The following ARHGAP31 variants were observed in gnomAD, a reference collection of about 807,000 sequenced individuals.
ARHGAP31 encodes the protein Rho GTPase activating protein 31, also known as rho GTPase-activating protein 31.
A neutral mutation model predicts 113.9 loss-of-function variants in ARHGAP31; 34 were observed. That is an observed-to-expected ratio of 0.30 (90% CI 0.23 to 0.40). The LOEUF is 0.40. Ranked by LOEUF, ARHGAP31 falls within the 10% of genes least tolerant of loss-of-function variation. ARHGAP31 has a pLI of 1.00. For missense variants in ARHGAP31, 1,548 were observed against 1,767.1 expected, an observed-to-expected ratio of 0.88 and a Z score of 2.22; for synonymous variants, 650 against 684.8, an observed-to-expected ratio of 0.95 and a Z score of 0.79.
chr3:119,344,556 A>G (rs2080037634), intron 1 of ARHGAP31, among the ~76,000 whole-genome samples: 2 of 152,206 alleles, frequency 1.3e-5, no homozygotes, highest in South Asian at 4.1e-4. Flanking sequence ...TAAAATAACA[A>G]TAGCAATTGT....
chr3:119,409,860 A>G, intron 11 of ARHGAP31, 84 bp downstream of exon 11: 1 of 1,422,066 alleles, frequency 7.0e-7, no homozygotes, highest in Non-Finnish European at 9.4e-7. Context: ...TAAATTGAAA[A>G]AAAATTTTTT....
At position 119,377,826 on chromosome 3, in the gene ARHGAP31, A is replaced by G. The variant is rs2080362121; in HGVS notation, c.349-3078A>G. Among the ~76,000 whole-genome samples the G allele has an allele frequency of 2.0e-5, 3 of 152,088 alleles. No individual in the cohort carries two copies. The South Asian group carries it at 6.2e-4, about 31-fold the overall frequency. On this transcript the variant is annotated intron_variant, in intron 3 of 11. Coordinates refer to ENST00000264245, the MANE Select transcript of ARHGAP31 (RefSeq NM_020754.4). ...TAAATAGCTTAAAATACCTTAAAATAATAAAAATGGTTTGATAATTTTAAA... is the reference window on the plus strand; with the variant it reads ...TAAATAGCTTAAAATACCTTAAAATGATAAAAATGGTTTGATAATTTTAAA...
chr3:119,368,478 A>G lies in ARHGAP31; in HGVS notation c.310A>G (p.Asn104Asp), dbSNP rs1224006347. ...LCKLYFRELP[N>D]PLLTYELYEK... The stretch of plus-strand genomic sequence containing the variant: ...CAAGCTCTACTTTAGGGAGCTGCCC[A>G]ACCCCCTCCTGACTTATGAGCTCTA... Residue 104 changes from asparagine to aspartate, a missense_variant, in exon 3 of 12, where the codon AAC (asparagine) becomes GAC (aspartate). Asn to Asp is a conservative substitution (Grantham distance 23). Transcript: ENST00000264245. 1 of 1,614,110 alleles carries G rather than the reference A, an allele frequency of 6.2e-7. No homozygotes were observed. Among genetic ancestry groups the G allele is most frequent in the Admixed American group, 1.7e-5 (1 of 60,020 alleles).
chr3:119,315,278 C>G (rs2079719637), intron 1 of ARHGAP31, among the ~76,000 whole-genome samples: 1 of 152,114 alleles, frequency 6.6e-6, no homozygotes, highest in Non-Finnish European at 1.5e-5. Context: ...TGCATATTCC[C>G]TAAATTATTC....
rs1352487163 is a variant in ARHGAP31, at chr3:119,420,335, A to G, written c.*4071A>G. ...AGGTCAGCTCAAAATGTGGCATGACAAAGAATATGTGCTCTACTACCAAAA... is the reference window on the plus strand; with the variant it reads ...AGGTCAGCTCAAAATGTGGCATGACGAAGAATATGTGCTCTACTACCAAAA... On this transcript the variant is annotated 3_prime_UTR_variant, in exon 12 of 12. Transcript: ENST00000264245. 1 of 152,228 alleles carries G rather than the reference A, an allele frequency of 6.6e-6. No individual in the cohort carries two copies. Among genetic ancestry groups the G allele is most frequent in the Non-Finnish European group, 1.5e-5 (1 of 68,052 alleles). 9.4% of individuals were successfully genotyped at this position (152,228 alleles called of 1,614,324 possible).
chr3:119,386,939 C>G (rs2080455304), intron 6 of ARHGAP31, among the ~76,000 whole-genome samples: 1 of 152,164 alleles, frequency 6.6e-6, no homozygotes, highest in Non-Finnish European at 1.5e-5. Flanking sequence ...AAGGCAGAGC[C>G]AGGTGTACAG....
rs73187855 is a variant in ARHGAP31, at chr3:119,326,365, A to T, written c.100+31361A>T. On this transcript the variant is annotated intron_variant, in intron 1 of 11. Coordinates refer to ENST00000264245, the MANE Select transcript of ARHGAP31 (RefSeq NM_020754.4). ...CAGTCAGCTGAGAATGTGTCGTGCT[A>T]CTGTACAGATCCAGAAAAAGGAAAC... 5.3e-3 allele frequency among the ~76,000 whole-genome samples: 804 copies of T among 152,056 alleles called. 11 individuals are homozygous for T. Among genetic ancestry groups the T allele is most frequent in the Non-Finnish European group, 9.6e-3 (654 of 67,958 alleles).
intron 11 of ARHGAP31, 134 bp from the exon 12 acceptor site, chr3:119,413,722 T>C: frequency 8.4e-7 from 1 of 1,194,802 alleles, no homozygotes; most frequent in South Asian, 1.3e-5. Context: ...CCACAGGTAT[T>C]ATCGGTGCTG....
At chr3:119,302,154 C>G (rs538389067) in intron 1 of ARHGAP31, among the ~76,000 whole-genome samples, 55 of 152,364 alleles carry the variant, frequency 3.6e-4, no homozygotes, top group African/African-American at 1.3e-3. Context: ...AGAAATGACA[C>G]TCTTGAGTTG....
chr3:119,381,929 T>C (rs1399753448), intron 4 of ARHGAP31, among the ~76,000 whole-genome samples: 1 of 139,520 alleles, frequency 7.2e-6, no homozygotes, highest in Non-Finnish European at 1.5e-5. Context: ...GAGCTTGCAG[T>C]GAGCTGAGAT....
At chr3:119,371,778 G>T (rs958696647) in intron 3 of ARHGAP31, among the ~76,000 whole-genome samples, 1 of 152,138 alleles carries the variant, frequency 6.6e-6, no homozygotes, top group Non-Finnish European at 1.5e-5. Flanking sequence ...CAATCAAGTA[G>T]TCCCCAGTGT....
intron 1 of ARHGAP31, among the ~76,000 whole-genome samples, chr3:119,321,282 T>C (rs1415620828): frequency 1.8e-5 from 1 of 55,210 alleles, no homozygotes; most frequent in Admixed American, 1.4e-4. Flanking sequence ...ATATATACTA[T>C]ATATATATAT....
intron 3 of ARHGAP31, among the ~76,000 whole-genome samples, chr3:119,380,049 T>G (rs763278217): frequency 6.6e-6 from 1 of 152,224 alleles, no homozygotes; most frequent in South Asian, 2.1e-4. Context: ...TGGACCAGCC[T>G]GTAATCACAC....
intron 1 of ARHGAP31, chr3:119,324,849 G>A (rs1159779231): frequency 2.2e-6 from 1 of 447,468 alleles, no homozygotes; most frequent in Non-Finnish European, 4.5e-6. Context: ...GTAAAACAGA[G>A]AACCAATTTT....
At position 119,416,405 on chromosome 3, in the gene ARHGAP31, C is replaced by A; in HGVS notation, c.*141C>A. 1 of 1,213,982 alleles carries A rather than the reference C, an allele frequency of 8.2e-7. No homozygotes were observed. Among genetic ancestry groups the A allele is most frequent in the Non-Finnish European group, 1.2e-6 (1 of 851,538 alleles). 75.2% of individuals were successfully genotyped at this position (1,213,982 alleles called of 1,614,324 possible). A position where few individuals can be genotyped will look rare whatever the true frequency, so the allele number is the denominator to read the frequency against. The stretch of plus-strand genomic sequence containing the variant: ...GACTTCTCTTTCTTCAGCCTTTTGA[C>A]CACTTATTAATTAGTCCATTTGCTA... On this transcript the variant is annotated 3_prime_UTR_variant, in exon 12 of 12. Coordinates refer to ENST00000264245, the MANE Select transcript of ARHGAP31 (RefSeq NM_020754.4).
chr3:119,353,787 CAAAAAAAA>C (rs5852199), intron 1 of ARHGAP31, among the ~76,000 whole-genome samples: 1 of 88,250 alleles, frequency 1.1e-5, no homozygotes, highest in African/African-American at 4.3e-5. Flanking sequence ...GACTCCATCT[CAAAAAAAA>C]AAAAAAAAAA....
chr3:119,378,347 T>C (rs1345354533), intron 3 of ARHGAP31, among the ~76,000 whole-genome samples: 2 of 151,762 alleles, frequency 1.3e-5, no homozygotes, highest in Non-Finnish European at 2.9e-5. Context: ...CTGGAGAGGG[T>C]TGGGGTAGGA....
chr3:119,324,786 ATTCTAACTG>A, intron 1 of ARHGAP31: 1 of 392,306 alleles, frequency 2.5e-6, no homozygotes, highest in African/African-American at 2.1e-5. Flanking sequence ...AGTTGTATCT[ATTCTAACTG>A]GTATTTAGTA....
chr3:119,374,691 G>A (rs143630540), intron 3 of ARHGAP31, among the ~76,000 whole-genome samples: 2 of 152,216 alleles, frequency 1.3e-5, no homozygotes, highest in African/African-American at 4.8e-5. Context: ...CTCCTGCTCC[G>A]CTGTGGTAAG....
Sources: gnomAD v4.1 joint callset for allele counts (sites outside exome capture counted in the v4.1 genomes callset) on GRCh38, gnomAD v4.1.1 for gene constraint, MANE v1.5 for transcripts, NCBI Gene and HGNC (gene_info 2026-07-23, HGNC 2026-07-21) for gene names.